The following WWOX variants were observed in gnomAD, a reference collection of about 807,000 sequenced individuals.
WWOX encodes the protein WW domain-containing oxidoreductase.
A neutral mutation model predicts 46.2 loss-of-function variants in WWOX; 69 were observed. The observed-to-expected ratio is 1.49, with a 90% confidence interval of 1.23 to 1.82. The LOEUF (loss-of-function observed/expected upper bound fraction) is 1.82. Among genes scored for constraint, WWOX ranks in the 40% most tolerant of loss-of-function variants. The pLI is 0.00. For synonymous variants in WWOX, 359 were observed against 202.6 expected (o/e 1.77, Z -6.56); for missense variants, 919 against 542.6 (o/e 1.69, Z -6.89).
At chr16:78,451,064 A>C (rs1202329542) in intron 8 of WWOX, among the ~76,000 whole-genome samples, 1 of 152,178 alleles carries the variant, frequency 6.6e-6, no homozygotes, top group Non-Finnish European at 1.5e-5. Flanking sequence ...GTTATACTTA[A>C]GCTTGTTTAT....
At chr16:79,085,923 A>G (rs1278844198) in intron 8 of WWOX, among the ~76,000 whole-genome samples, 2 of 152,020 alleles carry the variant, frequency 1.3e-5, no homozygotes, top group Non-Finnish European at 2.9e-5. Flanking sequence ...TTGGTGGTAC[A>G]TGCCTGTAGT....
intron 8 of WWOX, among the ~76,000 whole-genome samples, chr16:78,498,066 G>A (rs573639751): frequency 3.9e-5 from 6 of 151,934 alleles, no homozygotes; most frequent in Admixed American, 6.6e-5. Context: ...TTAGCTGTGC[G>A]TGGTGGCGGG....
chr16:78,754,981 A>G (rs2049601960), intron 8 of WWOX, among the ~76,000 whole-genome samples: 1 of 149,532 alleles, frequency 6.7e-6, no homozygotes, highest in Non-Finnish European at 1.5e-5. Context: ...AAAAGAATAC[A>G]CAGGAGTTGA....
intron 8 of WWOX, among the ~76,000 whole-genome samples, chr16:78,707,424 G>C (rs568437210): frequency 3.3e-5 from 5 of 152,204 alleles, no homozygotes; most frequent in African/African-American, 9.6e-5. Context: ...TTATGCACAA[G>C]CATCAGAGGT....
At chr16:79,162,612 G>C (rs994208459) in intron 8 of WWOX, among the ~76,000 whole-genome samples, 1 of 152,186 alleles carries the variant, frequency 6.6e-6, no homozygotes, top group Non-Finnish European at 1.5e-5. Context: ...TCAGGCCTTG[G>C]GAGATGCAAA....
intron 8 of WWOX, among the ~76,000 whole-genome samples, chr16:78,648,628 A>G (rs370544969): frequency 8.5e-5 from 13 of 152,290 alleles, no homozygotes; most frequent in African/African-American, 2.2e-4. Flanking sequence ...AGAAAGCCAC[A>G]TATGCTCCCC....
At chr16:78,933,287 A>T (rs2045663766) in intron 8 of WWOX, among the ~76,000 whole-genome samples, 1 of 152,142 alleles carries the variant, frequency 6.6e-6, no homozygotes, top group African/African-American at 2.4e-5. Flanking sequence ...AAAAATACAA[A>T]AATTAGCTGA....
chr16:78,787,501 T>A (rs2050487049), intron 8 of WWOX, among the ~76,000 whole-genome samples: 1 of 152,232 alleles, frequency 6.6e-6, no homozygotes, highest in South Asian at 2.1e-4. Context: ...CAGTACTTCA[T>A]TCTTTTTATG....
In WWOX at chr16:78,144,464, C is replaced by CGT. The variant is rs1567596338; in HGVS notation, c.410-19719_410-19718insGT. On this transcript the variant is annotated intron_variant, in intron 4 of 8. Coordinates refer to ENST00000566780, the MANE Select transcript of WWOX (RefSeq NM_016373.4). ...ATATATATACACATATATATATATACACACATATATATATATATATATACA... is the reference window on the plus strand; with the variant it reads ...ATATATATACACATATATATATATACGTACACATATATATATATATATATACA... Among the ~76,000 whole-genome samples the CGT allele has an allele frequency of 2.8e-4, 5 of 17,958 alleles. 1 individual carries two copies. The East Asian group carries it at 9.0e-3, about 32-fold the overall frequency. 11.8% of individuals were successfully genotyped at this position (17,958 alleles called of 152,430 possible).
intron 8 of WWOX, among the ~76,000 whole-genome samples, chr16:78,748,709 G>A (rs972451458): frequency 2.0e-5 from 3 of 152,236 alleles, no homozygotes; most frequent in African/African-American, 4.8e-5. Flanking sequence ...CCGTGGCAAA[G>A]GGTTCCCTCA....
chr16:78,988,853 C>G (rs896959087), intron 8 of WWOX, among the ~76,000 whole-genome samples: 1 of 152,148 alleles, frequency 6.6e-6, no homozygotes. Flanking sequence ...CATGTTGCTG[C>G]GAGCCCCAAT....
At chr16:78,461,385 AC>A (rs1191742894) in intron 8 of WWOX, among the ~76,000 whole-genome samples, 1 of 152,170 alleles carries the variant, frequency 6.6e-6, no homozygotes, top group African/African-American at 2.4e-5. Flanking sequence ...AAACAAACAA[AC>A]AAAAAATAGG....
chr16:79,046,361 T>C (rs76365120), intron 8 of WWOX, among the ~76,000 whole-genome samples: 5,782 of 152,314 alleles, frequency 0.038, 146 homozygotes, highest in South Asian at 0.06. Context: ...CTTCCTTTCC[T>C]GTATCCTGTT....
At chr16:78,421,569 G>A (rs2082932067) in intron 6 of WWOX, among the ~76,000 whole-genome samples, 3 of 152,226 alleles carry the variant, frequency 2.0e-5, no homozygotes, top group Middle Eastern at 3.4e-3. Context: ...AACTCACTAT[G>A]GAAGCAATGG....
At chr16:78,617,707 G>T (rs1226955302) in intron 8 of WWOX, among the ~76,000 whole-genome samples, 1 of 152,126 alleles carries the variant, frequency 6.6e-6, no homozygotes, top group Non-Finnish European at 1.5e-5. Context: ...ATTCTTCCCA[G>T]TCCCAGGAAA....
chr16:78,769,969 A>T (rs1004586128), intron 8 of WWOX, among the ~76,000 whole-genome samples: 1 of 152,114 alleles, frequency 6.6e-6, no homozygotes, highest in Admixed American at 6.6e-5. Context: ...GCTTGAGCTC[A>T]AGAGGTTGAG....
intron 4 of WWOX, among the ~76,000 whole-genome samples, chr16:78,152,166 G>C (rs2034436361): frequency 6.6e-6 from 1 of 151,482 alleles, no homozygotes; most frequent in Non-Finnish European, 1.5e-5. Context: ...CTCCAGCCTG[G>C]GCGACAGAGC....
At chr16:79,161,423 T>C (rs1046896782) in intron 8 of WWOX, among the ~76,000 whole-genome samples, 13 of 152,052 alleles carry the variant, frequency 8.5e-5, no homozygotes, top group Non-Finnish European at 1.6e-4. Flanking sequence ...AAGCACCCGA[T>C]GAATACTGAC....
intron 5 of WWOX, among the ~76,000 whole-genome samples, chr16:78,382,807 G>T (rs1461286616): frequency 1.3e-5 from 2 of 151,922 alleles, no homozygotes; most frequent in Admixed American, 6.6e-5. Flanking sequence ...ATGCACAAAG[G>T]TACAGCAAAG....
Sources: gnomAD v4.1 joint callset for allele counts (sites outside exome capture counted in the v4.1 genomes callset) on GRCh38, gnomAD v4.1.1 for gene constraint, MANE v1.5 for transcripts, NCBI Gene and HGNC (gene_info 2026-07-23, HGNC 2026-07-21) for gene names.